Variants in CRACR2A observed in about 807,000 individuals in gnomAD.
The protein encoded by CRACR2A is calcium release activated channel regulator 2A.
In CRACR2A, 79 loss-of-function variants were observed where a neutral mutation model predicts 90.5. The observed-to-expected ratio is 0.87, with a 90% CI of 0.73 to 1.05. The LOEUF (loss-of-function observed/expected upper bound fraction) is 1.05. Ranked by LOEUF, CRACR2A falls within the 50% of genes least tolerant of loss-of-function variation. The probability of loss-of-function intolerance (pLI) is 0.00; values close to 1 mark genes in which losing one functional copy is unlikely to be tolerated. For synonymous variants in CRACR2A, 338 were observed against 356.7 expected (o/e 0.95, Z 0.59); for missense variants, 823 against 897.2 (o/e 0.92, Z 1.06).
rs1388857134 is a variant in CRACR2A, at chr12:3,659,640, T to C, written c.686A>G (p.Tyr229Cys). Residue 229 changes from tyrosine to cysteine, a missense_variant, in exon 8 of 20, where the codon TAT (tyrosine) becomes TGT (cysteine). Transcript: ENST00000440314. ...ECALKRKIAA[Y>C]DEEIQHLYEE... Reference sequence around the variant, plus strand: ...ATAGAGATGCTGGATTTCTTCATCATAAGCAGCAATTTTCCTACAGAGGTG... The same window carrying C: ...ATAGAGATGCTGGATTTCTTCATCACAAGCAGCAATTTTCCTACAGAGGTG... 2.5e-6 allele frequency: 4 copies of C among 1,614,058 alleles called. No homozygotes were observed. Among genetic ancestry groups the C allele is most frequent in the East Asian group, 2.2e-5 (1 of 44,888 alleles).
At chr12:3,701,163 G>GA (rs534227869) in intron 3 of CRACR2A, among the ~76,000 whole-genome samples, 19 of 146,008 alleles carry the variant, frequency 1.3e-4, no homozygotes, top group Non-Finnish European at 1.5e-4. Context: ...GAACTAAATG[G>GA]AAAAAAAAAA....
chr12:3,636,782 C>T (rs1458427505), intron 14 of CRACR2A, among the ~76,000 whole-genome samples: 1 of 152,238 alleles, frequency 6.6e-6, no homozygotes, highest in East Asian at 1.9e-4. Context: ...CTCTCCCCTG[C>T]ACCAGGGCCC....
chr12:3,717,405 C>A (rs529070598), intron 2 of CRACR2A, among the ~76,000 whole-genome samples: 2 of 152,174 alleles, frequency 1.3e-5, no homozygotes, highest in Non-Finnish European at 2.9e-5. Flanking sequence ...TTGCATATAT[C>A]CATACGCACA....
At chr12:3,703,293 G>T (rs1945862633) in intron 3 of CRACR2A, among the ~76,000 whole-genome samples, 1 of 152,108 alleles carries the variant, frequency 6.6e-6, no homozygotes, top group Admixed American at 6.5e-5. Flanking sequence ...TTTCACCATA[G>T]CCAGGATGGT....
At chr12:3,733,933 G>T (rs1946399642) in intron 1 of CRACR2A, among the ~76,000 whole-genome samples, 2 of 143,184 alleles carry the variant, frequency 1.4e-5, no homozygotes, top group Admixed American at 7.0e-5. Flanking sequence ...ACCTTTTCTT[G>T]GTATTCAGTC....
chr12:3,647,927 GT>G (rs1944719464), intron 11 of CRACR2A: 1 of 985,334 alleles, frequency 1.0e-6, no homozygotes, highest in South Asian at 4.7e-5. Context: ...GGAGGGGAGG[GT>G]GGTGCACATT....
At chr12:3,747,729 C>T (rs919673363) in intron 1 of CRACR2A, among the ~76,000 whole-genome samples, 2 of 152,230 alleles carry the variant, frequency 1.3e-5, no homozygotes, top group African/African-American at 2.4e-5. Context: ...AGCTGTCTGG[C>T]CAGAAACACG....
intron 3 of CRACR2A, among the ~76,000 whole-genome samples, chr12:3,709,167 G>T (rs923514423): frequency 2.0e-5 from 3 of 152,164 alleles, no homozygotes; most frequent in African/African-American, 7.2e-5. Flanking sequence ...AAAAACTGTA[G>T]GCACAAACAA....
chr12:3,729,150 C>T (rs963229386), intron 2 of CRACR2A: 1 of 152,202 alleles, frequency 6.6e-6, no homozygotes, highest in Non-Finnish European at 1.5e-5. Context: ...TCAGAAGGTG[C>T]TCAATACATG....
intron 10 of CRACR2A, 116 bp downstream of exon 10, chr12:3,654,096 G>A (rs1449684673): frequency 1.6e-6 from 2 of 1,231,862 alleles, no homozygotes; most frequent in South Asian, 1.4e-5. Context: ...GGAGCAACAA[G>A]CCCAAATCCT....
chr12:3,714,629 T>A (rs1240658205), intron 2 of CRACR2A, among the ~76,000 whole-genome samples: 1 of 152,246 alleles, frequency 6.6e-6, no homozygotes, highest in Non-Finnish European at 1.5e-5. Flanking sequence ...GATGGTAACC[T>A]TAAGAGATGA....
At chr12:3,685,973 C>G (rs181588601) in intron 4 of CRACR2A, among the ~76,000 whole-genome samples, 1 of 152,296 alleles carries the variant, frequency 6.6e-6, no homozygotes, top group Non-Finnish European at 1.5e-5. Context: ...ATACACAGTG[C>G]ATTTCCAGGG....
intron 17 of CRACR2A, among the ~76,000 whole-genome samples, chr12:3,624,911 C>A (rs990271578): frequency 6.6e-6 from 1 of 152,328 alleles, no homozygotes; most frequent in Admixed American, 6.5e-5. Flanking sequence ...GGCTGAGAAT[C>A]AAAATTCCCT....
At position 3,633,709 on chromosome 12, in the gene CRACR2A, G is replaced by A. The variant is rs749395954; in HGVS notation, c.1630C>T (p.Arg544Trp). The A allele has an allele frequency of 1.1e-5, 17 of 1,551,578 alleles. No individual in the cohort carries two copies. The Admixed American group carries it at 1.2e-4, about 11-fold the overall frequency. Residue 544 changes from arginine (R) to tryptophan (W), a missense_variant, in exon 15 of 20, where the codon CGG becomes TGG. By Grantham distance (101) the Arg-to-Trp change is moderately radical. Transcript: ENST00000440314. This position sits in a 1 kb window ranked among gnomAD's most constrained non-coding sequence, Gnocchi z 4.5. ...CCCACGAACACAATCTTGAAGAGCC[G>A]GTCAGGGGCAGAGGGAGAGCTTTCC... ...KEESSPSAPD[R>W]LFKIVFVGNS...
At chr12:3,667,039 G>A (rs1263765048) in intron 7 of CRACR2A, among the ~76,000 whole-genome samples, 3 of 152,176 alleles carry the variant, frequency 2.0e-5, no homozygotes, top group Non-Finnish European at 2.9e-5. Context: ...CATTCTGATT[G>A]CATGTGTCTT....
chr12:3,617,568 C>T (rs1054719253), intron 18 of CRACR2A, among the ~76,000 whole-genome samples: 3 of 152,204 alleles, frequency 2.0e-5, no homozygotes, highest in Non-Finnish European at 2.9e-5. Context: ...AATTCTCTTT[C>T]GCACCAGTTA....
intron 17 of CRACR2A, among the ~76,000 whole-genome samples, chr12:3,625,706 G>A (rs1021668286): frequency 8.1e-4 from 122 of 150,960 alleles, no homozygotes; most frequent in African/African-American, 2.6e-3. Context: ...CAGCTCTGAC[G>A]GAGATGGGGG....
chr12:3,684,083 T>C (rs754607155), intron 4 of CRACR2A, among the ~76,000 whole-genome samples: 1 of 152,178 alleles, frequency 6.6e-6, no homozygotes, highest in Admixed American at 6.5e-5. Flanking sequence ...ACATACCCCA[T>C]GTAGCTTAAA....
intron 2 of CRACR2A, among the ~76,000 whole-genome samples, chr12:3,720,468 C>A (rs747079012): frequency 2.3e-3 from 195 of 83,848 alleles, no homozygotes; most frequent in Middle Eastern, 6.9e-3. Context: ...AGAAAGAAAG[C>A]AAAAGAAAAA....
Sources: gnomAD v4.1 joint callset for allele counts (sites outside exome capture counted in the v4.1 genomes callset) on GRCh38, gnomAD v4.1.1 for gene constraint, Gnocchi (gnomAD v3.1) non-coding constraint, MANE v1.5 for transcripts, NCBI Gene and HGNC (gene_info 2026-07-23, HGNC 2026-07-21) for gene names.